Variants in RANBP2 observed in about 807,000 individuals in gnomAD.
The protein encoded by RANBP2 is RAN binding protein 2, also known as E3 SUMO-protein ligase RanBP2.
RANBP2 carries 57 observed loss-of-function variants against 303.6 expected under a neutral mutation model. The ratio of observed to expected loss-of-function variants is 0.19; its 90% confidence interval spans 0.15 to 0.23. The LOEUF (loss-of-function observed/expected upper bound fraction) is 0.23, where lower values mean the gene tolerates loss of function less well. RANBP2 is among the 10% of genes least tolerant of loss of function. The pLI is 1.00. For missense variants in RANBP2, 3,138 were observed against 3,780.8 expected, an observed-to-expected ratio of 0.83 and a Z score of 4.46; for synonymous variants, 1,167 against 1,301.5, an observed-to-expected ratio of 0.90 and a Z score of 2.23.
At chr2:109,131,395 A>G in the RANBP2 span, among the ~76,000 whole-genome samples, 1 of 152,226 alleles carries the variant, frequency 6.6e-6, no homozygotes, top group East Asian at 1.9e-4. Flanking sequence ...GAAATTTTCA[A>G]ACTTTTCCTT....
At chr2:109,656,251 T>G in the RANBP2 span, among the ~76,000 whole-genome samples, 1 of 152,230 alleles carries the variant, frequency 6.6e-6, no homozygotes, top group South Asian at 2.1e-4. Flanking sequence ...TAAATGTTTC[T>G]TGAATGAGTA....
chr2:109,142,403 G>A, the RANBP2 span, among the ~76,000 whole-genome samples: 1 of 152,222 alleles, frequency 6.6e-6, no homozygotes, highest in Non-Finnish European at 1.5e-5. Context: ...TGTGGGGTTA[G>A]CTCCACAAAC....
At chr2:109,129,236 A>G in the RANBP2 span, 6 of 561,202 alleles carry the variant, frequency 1.1e-5, no homozygotes, top group Non-Finnish European at 1.9e-5. Context: ...GCCCGGCAGC[A>G]CCCCCGGTCC....
At chr2:109,654,078 T>C in the RANBP2 span, among the ~76,000 whole-genome samples, 10 of 152,212 alleles carry the variant, frequency 6.6e-5, no homozygotes, top group African/African-American at 2.4e-4. Flanking sequence ...GAGCAACAAA[T>C]GGTGTCCTCA....
chr2:109,010,917 G>A, the RANBP2 span, among the ~76,000 whole-genome samples: 1 of 152,176 alleles, frequency 6.6e-6, no homozygotes, highest in Non-Finnish European at 1.5e-5. Flanking sequence ...GGTTGCTGAC[G>A]ATGTGTGTGA....
At chr2:109,064,410 C>T in the RANBP2 span, among the ~76,000 whole-genome samples, 109 of 136,710 alleles carry the variant, frequency 8.0e-4, 1 homozygote, top group Middle Eastern at 0.027. Context: ...GAGCTGAGAT[C>T]ACGCCACTCC....
the RANBP2 span, among the ~76,000 whole-genome samples, chr2:109,395,160 C>T: frequency 1.3e-4 from 20 of 152,230 alleles, no homozygotes; most frequent in Admixed American, 1.2e-3. Flanking sequence ...GCAGGCAGGC[C>T]AGTGCGTGCG....
the RANBP2 span, among the ~76,000 whole-genome samples, chr2:109,426,895 C>A: frequency 6.6e-6 from 1 of 152,106 alleles, no homozygotes; most frequent in East Asian, 1.9e-4. Context: ...CAAGACAAGA[C>A]CCTCTACCAG....
At chr2:109,207,013 G>C in the RANBP2 span, among the ~76,000 whole-genome samples, 1 of 152,174 alleles carries the variant, frequency 6.6e-6, no homozygotes, top group Non-Finnish European at 1.5e-5. Context: ...ATTTGCAGGA[G>C]GTGAGAACCA....
At chr2:109,508,443 C>G in the RANBP2 span, among the ~76,000 whole-genome samples, 1 of 152,210 alleles carries the variant, frequency 6.6e-6, no homozygotes, top group Non-Finnish European at 1.5e-5. Flanking sequence ...GGACATTGCC[C>G]TGGAACCCCA....
the RANBP2 span, among the ~76,000 whole-genome samples, chr2:109,656,499 A>G: frequency 1.3e-5 from 2 of 152,084 alleles, no homozygotes; most frequent in Non-Finnish European, 2.9e-5. Context: ...CACCATGTCC[A>G]GCTAATTTTT....
At chr2:109,000,708 T>G in the RANBP2 span, among the ~76,000 whole-genome samples, 98 of 152,284 alleles carry the variant, frequency 6.4e-4, 2 homozygotes, top group Middle Eastern at 0.017. Flanking sequence ...AATAATAATG[T>G]CCAGCATTAC....
rs750523400 is a variant in RANBP2 at position 108,767,996 on chromosome 2, A to G, written c.7457A>G (p.Asp2486Gly). Residue 2486 changes from aspartate (D) to glycine (G), a missense_variant, in exon 20 of 29, where the codon GAT becomes GGT. Asp to Gly is a moderately conservative substitution (Grantham distance 94). Around this residue, in one of 20 missense-constraint regions of RANBP2, gnomAD observed 497 missense variants for 465.8 expected, o/e 1.07. Coordinates refer to ENST00000283195, the MANE Select transcript of RANBP2 (RefSeq NM_006267.5). ...TRERTDVIQGDDVADATSEVE... is the reference protein window; with the variant it reads ...TRERTDVIQGGDVADATSEVE... ...GAGAGGACAGATGTTATTCAGGGTG[A>G]TGATGTAGCAGATGCAACTTCAGAA... 21 of 1,612,072 alleles carry G rather than the reference A, an allele frequency of 1.3e-5. No homozygotes were observed. Among genetic ancestry groups the G allele is most frequent in the Non-Finnish European group, 1.7e-5 (20 of 1,179,868 alleles).
At chr2:109,660,324 T>C in the RANBP2 span, among the ~76,000 whole-genome samples, 2 of 152,172 alleles carry the variant, frequency 1.3e-5, no homozygotes, top group African/African-American at 2.4e-5. Context: ...AAGTAACCAA[T>C]GGGACATGTC....
At chr2:109,545,676 C>T in the RANBP2 span, 50 of 1,467,374 alleles carry the variant, frequency 3.4e-5, no homozygotes, top group Non-Finnish European at 4.4e-5. Context: ...TTTATTTAGA[C>T]ATGAAATTCA....
chr2:108,910,926 C>T, the RANBP2 span: 16 of 1,614,062 alleles, frequency 9.9e-6, no homozygotes, highest in African/African-American at 9.3e-5. Flanking sequence ...AAGCAGGGCA[C>T]CGGCGCATGG....
At chr2:109,018,796 G>C in the RANBP2 span, among the ~76,000 whole-genome samples, 1 of 152,220 alleles carries the variant, frequency 6.6e-6, no homozygotes, top group African/African-American at 2.4e-5. Flanking sequence ...TCCCTGCTGA[G>C]AGCACGTACA....
chr2:109,660,648 G>A, the RANBP2 span, among the ~76,000 whole-genome samples: 1 of 152,356 alleles, frequency 6.6e-6, no homozygotes, highest in Non-Finnish European at 1.5e-5. Context: ...AGTTGGCCTG[G>A]TGTGGCCCAG....
the RANBP2 span, among the ~76,000 whole-genome samples, chr2:108,876,942 A>G: frequency 6.6e-6 from 1 of 152,220 alleles, no homozygotes; most frequent in Non-Finnish European, 1.5e-5. Context: ...GGGTGAAGTA[A>G]AGGTGGTAAA....
Sources: gnomAD v4.1 joint callset for allele counts (sites outside exome capture counted in the v4.1 genomes callset) on GRCh38, gnomAD v4.1.1 for gene constraint, gnomAD v4.1.1 regional missense constraint, MANE v1.5 for transcripts, NCBI Gene and HGNC (gene_info 2026-07-23, HGNC 2026-07-21) for gene names.